CACNA1S: variants seen among roughly 807,000 people sequenced by gnomAD.
CACNA1S encodes the protein voltage-dependent L-type calcium channel subunit alpha-1S.
CACNA1S carries 126 observed loss-of-function variants against 207.4 expected under a neutral mutation model. That is an observed-to-expected ratio of 0.61 (90% confidence interval 0.53 to 0.70). The LOEUF (loss-of-function observed/expected upper bound fraction) is 0.70. Ranked by LOEUF, CACNA1S falls within the 30% of genes least tolerant of loss-of-function variation. CACNA1S has a pLI of 0.00. For missense variants in CACNA1S, 2,349 were observed against 2,422.8 expected, an observed-to-expected ratio of 0.97 and a Z score of 0.64; for synonymous variants, 960 against 932.7, an observed-to-expected ratio of 1.03 and a Z score of -0.53.
At position 201,043,273 on chromosome 1, in the gene CACNA1S, G is replaced by A. The variant is rs759622507; in HGVS notation, c.5048+8C>T. 2.7e-5 allele frequency: 43 copies of A among 1,613,994 alleles called. No individual in the cohort carries two copies. The East Asian group carries it at 7.1e-4, about 27-fold the overall frequency. On this transcript the variant is annotated splice_region_variant and intron_variant, in intron 40 of 43. Coordinates refer to ENST00000362061, the MANE Select transcript of CACNA1S (RefSeq NM_000069.3). ...TCTACACCCAGGGATGGCAGTGGCC[G>A]CCACTACCTGGAAAACACATGGCTG...
intron 2 of CACNA1S, among the ~76,000 whole-genome samples, chr1:201,107,070 G>GATGGGAT (rs1170076981): frequency 6.6e-6 from 1 of 152,252 alleles, no homozygotes. Flanking sequence ...GAGGCAGGGA[G>GATGGGAT]ATGGCAGAAG....
intron 2 of CACNA1S, among the ~76,000 whole-genome samples, chr1:201,098,590 A>G (rs1662522662): frequency 6.6e-6 from 1 of 152,196 alleles, no homozygotes; most frequent in Non-Finnish European, 1.5e-5. Flanking sequence ...CCCAGCACAC[A>G]GGAGGCTCTC....
chr1:201,069,751 T>C (rs1204003388), intron 17 of CACNA1S, 150 bp from the exon 18 acceptor site: 1 of 949,532 alleles, frequency 1.1e-6, no homozygotes, highest in Non-Finnish European at 1.6e-6. Context: ...CAGGGTCCTC[T>C]GGCTGGACAC....
intron 2 of CACNA1S, among the ~76,000 whole-genome samples, chr1:201,102,334 A>G (rs1662704925): frequency 6.6e-6 from 1 of 152,142 alleles, no homozygotes. Context: ...CTTCCCACAT[A>G]CAACCACTGG....
intron 10 of CACNA1S, among the ~76,000 whole-genome samples, chr1:201,078,822 T>G (rs1286034594): frequency 6.6e-6 from 1 of 152,046 alleles, no homozygotes; most frequent in Non-Finnish European, 1.5e-5. Flanking sequence ...CACTTTGCCA[T>G]TCTTAAAGCC....
rs769074038 is a variant in CACNA1S at position 201,040,225 on chromosome 1, G to C, written c.5370+6C>G. On this transcript the variant is annotated splice_donor_region_variant and intron_variant, in intron 43 of 43. Transcript: ENST00000362061. ...AGCCACTGCTGTGACCCAGCCCCTG[G>C]CTCACCTTTTGGATCAGCAGGGCTG... 6.2e-7 allele frequency: 1 copy of C among 1,613,176 alleles called. No individual in the cohort carries two copies. The highest frequency in any genetic ancestry group is 8.5e-7 in the Non-Finnish European group (1 of 1,180,024).
intron 33 of CACNA1S, 36 bp downstream of exon 33, chr1:201,050,948 G>A (rs1439680218): frequency 6.2e-7 from 1 of 1,610,910 alleles, no homozygotes; most frequent in African/African-American, 1.3e-5. Flanking sequence ...GCTTATCAAA[G>A]CCCTCTCCCT....
chr1:201,087,312 T>A (rs574908520), intron 7 of CACNA1S, among the ~76,000 whole-genome samples: 1 of 152,192 alleles, frequency 6.6e-6, no homozygotes, highest in Non-Finnish European at 1.5e-5. Context: ...GGTAATTAGG[T>A]AAAGCTCACA....
At chr1:201,102,176 G>A (rs1662696318) in intron 2 of CACNA1S, among the ~76,000 whole-genome samples, 1 of 152,200 alleles carries the variant, frequency 6.6e-6, no homozygotes, top group African/African-American at 2.4e-5. Flanking sequence ...GAAAGGGGGA[G>A]GAGGGGGTCC....
In CACNA1S at chr1:201,091,811, A is replaced by G. The variant is rs765023821; in HGVS notation, c.542-19T>C. 2.5e-6 allele frequency: 4 copies of G among 1,610,394 alleles called. No individual in the cohort carries two copies. In the South Asian group the frequency reaches 4.4e-5, roughly 18 times the overall value. On this transcript the variant is annotated intron_variant, in intron 4 of 43. Transcript: ENST00000362061. ...TGCAGGCCTGCAGAGGCAGGCAGGG[A>G]AGGGAAAAGAGGAGTCGCCTCTGCT...
Position 201,048,882 on chromosome 1 carries a change from T to A in CACNA1S, c.4338+121A>T, listed in dbSNP as rs186081631. 6.8e-4 allele frequency: 609 copies of A among 894,184 alleles called. 2 individuals are homozygous for A. Among genetic ancestry groups the A allele is most frequent in the Non-Finnish European group, 1.0e-4 (57 of 552,652 alleles). 55.4% of individuals were successfully genotyped at this position (894,184 alleles called of 1,614,324 possible). On this transcript the variant is annotated intron_variant, in intron 35 of 43. Transcript: ENST00000362061. ...AGACTTCAGGCCCTTTGGGAGGAAC[T>A]TGGGGACCCAGGAGATCCCGGCTCT...
In CACNA1S at chr1:201,110,876, G is replaced by A. The variant is rs1426415174; in HGVS notation, c.153-607C>T. Among the ~76,000 whole-genome samples, 3 of 152,206 alleles carry A rather than the reference G, an allele frequency of 2.0e-5. No individual in the cohort carries two copies. In the East Asian group the frequency reaches 5.8e-4, roughly 29 times the overall value. On this transcript the variant is annotated intron_variant, in intron 1 of 43. Transcript: ENST00000362061. ...TTTCCAGAGGGTACCCCAGGCCCATGGCTTTCTCGACTTTCTGGCCCATTA... is the reference window on the plus strand; with the variant it reads ...TTTCCAGAGGGTACCCCAGGCCCATAGCTTTCTCGACTTTCTGGCCCATTA...
chr1:201,074,181 G>T (rs199841290), intron 14 of CACNA1S, among the ~76,000 whole-genome samples: 1 of 152,234 alleles, frequency 6.6e-6, no homozygotes, highest in Non-Finnish European at 1.5e-5. Context: ...CCCGCCCAGA[G>T]GCATAGCGAC....
Position 201,039,976 on chromosome 1 carries a change from T to C in CACNA1S, c.5477A>G (p.Glu1826Gly). 2 of 1,614,250 alleles carry C rather than the reference T, an allele frequency of 1.2e-6. 1 individual carries two copies. Among genetic ancestry groups the C allele is most frequent in the Middle Eastern group, 3.3e-4 (2 of 6,062 alleles). ...DACQMEPEEVEIMATELLKGR... is the reference protein window; with the variant it reads ...DACQMEPEEVGIMATELLKGR... ...TTTCAGTAGCTCTGTTGCCATGATC[T>C]CCACTTCCTCTGGTTCCATTTGGCA... The change falls in exon 44 of 44, where the codon GAG becomes GGG. Residue 1826 changes from glutamate (E) to glycine (G), a missense_variant. Physicochemically the swap from Glu to Gly is moderately conservative, Grantham distance 98 (BLOSUM62 -2). Coordinates refer to ENST00000362061, the MANE Select transcript of CACNA1S (RefSeq NM_000069.3).
chr1:201,062,561 A>G (rs754192446), intron 22 of CACNA1S, 47 bp from the exon 23 acceptor site: 1 of 1,582,580 alleles, frequency 6.3e-7, no homozygotes, highest in South Asian at 1.1e-5. Context: ...GTTGTCATGG[A>G]AACAGGATAG....
chr1:201,047,474 CTCCCAT>C (rs1660508164), intron 37 of CACNA1S, 45 bp downstream of exon 37: 1 of 1,478,866 alleles, frequency 6.8e-7, no homozygotes, highest in Admixed American at 1.7e-5. Context: ...AAGCTCCCCA[CTCCCAT>C]TCCTTGGCTG....
At chr1:201,092,784 C>T (rs977723086) in intron 3 of CACNA1S, among the ~76,000 whole-genome samples, 2 of 152,214 alleles carry the variant, frequency 1.3e-5, no homozygotes, top group Non-Finnish European at 2.9e-5. Context: ...GGCAGATTCA[C>T]AGAATTCTTC....
intron 10 of CACNA1S, among the ~76,000 whole-genome samples, chr1:201,081,688 A>C (rs917794160): frequency 6.6e-6 from 1 of 152,084 alleles, no homozygotes; most frequent in Non-Finnish European, 1.5e-5. Flanking sequence ...TGTAATTCCC[A>C]ATGCTGGAGC....
chr1:201,092,438 G>T (rs527278771), intron 3 of CACNA1S, among the ~76,000 whole-genome samples: 1 of 152,228 alleles, frequency 6.6e-6, no homozygotes, highest in South Asian at 2.1e-4. Context: ...CCCCCAACAC[G>T]GGCTGGAGGT....
Sources: allele counts gnomAD v4.1 joint callset (sites outside exome capture counted in the v4.1 genomes callset), GRCh38; gene constraint gnomAD v4.1.1; transcripts MANE v1.5; gene names NCBI Gene and HGNC (gene_info 2026-07-23, HGNC 2026-07-21).